The following IFT140 variants were observed in gnomAD, a reference collection of about 807,000 sequenced individuals.
The protein encoded by IFT140 is intraflagellar transport 140.
IFT140 carries 133 observed loss-of-function variants against 164.6 expected under a neutral mutation model. The observed-to-expected ratio is 0.81, with a 90% CI of 0.70 to 0.93. IFT140 has a LOEUF of 0.93. Among genes scored for constraint, IFT140 ranks in the 40% least tolerant of loss-of-function variants. The pLI, the probability that IFT140 is intolerant of heterozygous loss-of-function variation, is 0.00. For synonymous variants in IFT140, 860 were observed against 817.3 expected, an observed-to-expected ratio of 1.05 and a Z score of -0.89; for missense variants, 2,045 against 1,972.3, an observed-to-expected ratio of 1.04 and a Z score of -0.70.
At chr16:1,557,389 G>A (rs988986636) in intron 19 of IFT140, among the ~76,000 whole-genome samples, 4 of 152,328 alleles carry the variant, frequency 2.6e-5, no homozygotes, top group African/African-American at 9.6e-5. Flanking sequence ...CACGTTGAGG[G>A]AGGGCTTGCT....
Position 1,533,458 on chromosome 16 carries a change from G to A in IFT140, c.2400-6662C>T, listed in dbSNP as rs2030723706. ...AAGCAACAGGCGAGACGAGGGATCTGTCCCGCACCCGGCATCCCTGGCCTC... is the reference window on the plus strand; with the variant it reads ...AAGCAACAGGCGAGACGAGGGATCTATCCCGCACCCGGCATCCCTGGCCTC... On this transcript the variant is annotated intron_variant, in intron 19 of 30. Transcript: ENST00000426508. This position sits in a 1 kb window ranked among gnomAD's most constrained non-coding sequence, Gnocchi z 4.7. 1 of 152,348 alleles carries A rather than the reference G, an allele frequency of 6.6e-6. No individual in the cohort carries two copies. Among genetic ancestry groups the A allele is most frequent in the Non-Finnish European group, 1.5e-5 (1 of 68,200 alleles). 9.4% of individuals were successfully genotyped at this position (152,348 alleles called of 1,614,324 possible). A position where few individuals can be genotyped will look rare whatever the true frequency, so the allele number is the denominator to read the frequency against.
chr16:1,586,347 C>T, intron 9 of IFT140, 72 bp from the exon 10 acceptor site: 2 of 1,460,322 alleles, frequency 1.4e-6, no homozygotes, highest in Non-Finnish European at 1.9e-6. Context: ...GCTCTGTTCT[C>T]TAACCCCCTT....
intron 4 of IFT140, among the ~76,000 whole-genome samples, chr16:1,597,412 C>T (rs576235012): frequency 5.4e-4 from 83 of 152,308 alleles, no homozygotes; most frequent in African/African-American, 1.9e-3. Context: ...AGGAGCAGGC[C>T]GTCCTAACCT....
At chr16:1,541,914 C>A in intron 19 of IFT140, 1 of 1,583,248 alleles carries the variant, frequency 6.3e-7, no homozygotes. Context: ...CTGCTCTTGG[C>A]CCACAGTGCA....
intron 11 of IFT140, among the ~76,000 whole-genome samples, 190 bp from the exon 12 acceptor site, chr16:1,583,576 A>G (rs1351434432): frequency 1.4e-5 from 2 of 147,758 alleles, no homozygotes; most frequent in East Asian, 3.9e-4. Flanking sequence ...TAAGATATCC[A>G]TGGGTTTTAT....
At chr16:1,543,556 C>T (rs567986952) in intron 19 of IFT140, among the ~76,000 whole-genome samples, 184 of 152,356 alleles carry the variant, frequency 1.2e-3, no homozygotes, top group African/African-American at 4.2e-3. Context: ...CCATCACCAT[C>T]GACGTGGGGT....
chr16:1,589,512 C>A, intron 7 of IFT140, 93 bp downstream of exon 7: 1 of 1,323,266 alleles, frequency 7.6e-7, no homozygotes, highest in South Asian at 1.3e-5. Flanking sequence ...TTTTTTCAGT[C>A]TTGCTATCCA....
chr16:1,538,816 C>G (rs536847266), intron 19 of IFT140, among the ~76,000 whole-genome samples: 3 of 152,186 alleles, frequency 2.0e-5, no homozygotes, highest in Non-Finnish European at 4.4e-5. Flanking sequence ...GCAGGCTGTA[C>G]GTGGTCACTG....
At chr16:1,595,013 C>T (rs977799514) in intron 4 of IFT140, among the ~76,000 whole-genome samples, 2 of 152,200 alleles carry the variant, frequency 1.3e-5, no homozygotes, top group African/African-American at 2.4e-5. Context: ...AGGCCGGGCA[C>T]GGTGGCTCAC....
chr16:1,530,342 A>G (rs1447859251), intron 19 of IFT140, among the ~76,000 whole-genome samples: 1 of 151,940 alleles, frequency 6.6e-6, no homozygotes, highest in East Asian at 1.9e-4. Flanking sequence ...CATGTTGGCC[A>G]GGATGGTCTC....
chr16:1,544,711 C>T (rs1051670135), intron 19 of IFT140, among the ~76,000 whole-genome samples: 14 of 151,750 alleles, frequency 9.2e-5, no homozygotes, highest in Admixed American at 2.0e-4. Context: ...TGCAGTGGCG[C>T]GATCTCGGCT....
chr16:1,542,733 T>C (rs1414240100), intron 19 of IFT140, among the ~76,000 whole-genome samples: 2 of 152,230 alleles, frequency 1.3e-5, no homozygotes, highest in Non-Finnish European at 2.9e-5. Flanking sequence ...GCTCGGACAC[T>C]GATGCAGACG....
intron 14 of IFT140, 102 bp downstream of exon 14, chr16:1,571,305 C>G: frequency 9.2e-7 from 1 of 1,085,634 alleles, no homozygotes; most frequent in Non-Finnish European, 1.3e-6. Flanking sequence ...TTAAAATGGG[C>G]ACCTAAGGAG....
At chr16:1,566,356 C>G in intron 15 of IFT140, 65 bp from the exon 16 acceptor site, 1 of 1,543,522 alleles carries the variant, frequency 6.5e-7, no homozygotes, top group Middle Eastern at 1.7e-4. Context: ...GTGGGCTGTG[C>G]TAGGGGACTG....
In IFT140 at chr16:1,589,796, G is replaced by A. The variant is rs776792202; in HGVS notation, c.635-16C>T. ...TGCACTGTCCCTGGGGACAAACGTG[G>A]GGTCACTACATGAGGAGGCCCTGGT... On this transcript the variant is annotated splice_polypyrimidine_tract_variant and intron_variant, in intron 6 of 30. Coordinates refer to ENST00000426508, the MANE Select transcript of IFT140 (RefSeq NM_014714.4). 6.2e-7 allele frequency: 1 copy of A among 1,605,244 alleles called. No homozygotes were observed. The highest frequency in any genetic ancestry group is 1.3e-5 in the African/African-American group (1 of 74,898).
chr16:1,575,334 C>T (rs2034221255), intron 13 of IFT140, among the ~76,000 whole-genome samples: 1 of 151,818 alleles, frequency 6.6e-6, no homozygotes, highest in South Asian at 2.1e-4. Flanking sequence ...ATGATGGCAC[C>T]ACTGCACTCT....
chr16:1,523,396 C>T (rs1370117687), intron 26 of IFT140, 122 bp downstream of exon 26: 12 of 1,038,136 alleles, frequency 1.2e-5, no homozygotes, highest in Non-Finnish European at 1.7e-5. Flanking sequence ...AGGGGGCACC[C>T]ACCGCAGCCT....
intron 13 of IFT140, chr16:1,577,034 C>T (rs1211609413): frequency 6.6e-6 from 1 of 152,222 alleles, no homozygotes; most frequent in African/African-American, 2.4e-5. Flanking sequence ...AAAGTGACCT[C>T]TCACGGTTCT....
At chr16:1,524,335 T>G in intron 24 of IFT140, 1 of 671,476 alleles carries the variant, frequency 1.5e-6, no homozygotes, top group Non-Finnish European at 2.5e-6. Flanking sequence ...CTGGGAAACA[T>G]CTGGGGACAA....
Sources: gnomAD v4.1 joint callset for allele counts (sites outside exome capture counted in the v4.1 genomes callset) on GRCh38, gnomAD v4.1.1 for gene constraint, Gnocchi (gnomAD v3.1) non-coding constraint, MANE v1.5 for transcripts, NCBI Gene and HGNC (gene_info 2026-07-23, HGNC 2026-07-21) for gene names.